Variants in APOL1 observed in about 807,000 individuals in gnomAD.
APOL1 encodes the protein apolipoprotein L 1.
In APOL1, 17 loss-of-function variants were observed where a neutral mutation model predicts 14.9. The observed-to-expected ratio is 1.14, with a 90% CI of 0.78 to 1.71. APOL1 has a LOEUF of 1.71. APOL1 is among the 40% of genes most tolerant of loss of function. APOL1 has a pLI of 0.00. For synonymous variants in APOL1, 195 were observed against 184.8 expected (o/e 1.05, Z -0.45); for missense variants, 523 against 485.9 (o/e 1.08, Z -0.72).
rs1210416741 is a variant in APOL1 at position 36,253,776 on chromosome 22, G to A, written c.-20+557G>A. ...ACTTGCCCAGGGTCCCGTGTCAGGA[G>A]GCTGAGCAGGTAGATCATAGGACTC... On this transcript the variant is annotated intron_variant, in intron 1 of 5. Transcript: ENST00000397278. The A allele has an allele frequency of 4.7e-6, 3 of 641,418 alleles. No homozygotes were observed. The South Asian group carries it at 5.8e-5, about 12-fold the overall frequency. 39.7% of individuals were successfully genotyped at this position (641,418 alleles called of 1,614,324 possible).
At chr22:36,259,324 C>T (rs1255142312) in intron 4 of APOL1, among the ~76,000 whole-genome samples, 2 of 152,200 alleles carry the variant, frequency 1.3e-5, no homozygotes. Context: ...TTCCTTCCAT[C>T]CAAACCTGGG....
At chr22:36,257,514 C>CA (rs1427226431) in intron 4 of APOL1, 107 bp downstream of exon 4, 5 of 1,159,376 alleles carry the variant, frequency 4.3e-6, no homozygotes, top group Non-Finnish European at 6.5e-6. Context: ...ACTAGGAGGC[C>CA]AATGAGTCTG....
At position 36,266,311 on chromosome 22, in the gene APOL1, G is replaced by A. The variant is rs2016260660; in HGVS notation, c.*278G>A. ...TCACCATGTTGGCCAGGATGGTCTC[G>A]ATCTCCTGACCTCTTGATCTGCCCA... On this transcript the variant is annotated 3_prime_UTR_variant, in exon 6 of 6. Transcript: ENST00000397278. 1.6e-5 allele frequency: 7 copies of A among 429,120 alleles called. No individual in the cohort carries two copies. The highest frequency in any genetic ancestry group is 1.2e-4 in the Admixed American group (3 of 25,202). The allele number at this position is 429,120 out of a possible 1,614,324, so 26.6% of individuals were successfully genotyped here. A position where few individuals can be genotyped will look rare whatever the true frequency, so the allele number is the denominator to read the frequency against.
At chr22:36,258,642 G>T (rs1054634176) in intron 4 of APOL1, among the ~76,000 whole-genome samples, 6 of 152,322 alleles carry the variant, frequency 3.9e-5, no homozygotes, top group Non-Finnish European at 8.8e-5. Flanking sequence ...AGGGGTGGGA[G>T]TGCAGGCGGA....
At chr22:36,255,306 A>G (rs370604654) in intron 2 of APOL1, among the ~76,000 whole-genome samples, 2 of 126,484 alleles carry the variant, frequency 1.6e-5, no homozygotes, top group Non-Finnish European at 3.4e-5. Context: ...AATCCGAGGC[A>G]CCAGCTCTCT....
rs2015908447 is a variant in APOL1, at chr22:36,257,130, G to C, written c.92G>C (p.Gly31Ala). 6.2e-7 allele frequency: 1 copy of C among 1,614,174 alleles called. No homozygotes were observed. Among genetic ancestry groups the C allele is most frequent in the Non-Finnish European group, 8.5e-7 (1 of 1,180,018 alleles). The part of the protein sequence containing the change: ...LGVGVRAEEA[G>A]ARVQQNVPSG... ...GTGGGAGTGAGGGCAGAGGAAGCTG[G>C]AGCGAGGTGAGTGTCTGCAAATAGC... Residue 31 changes from glycine to alanine, a missense_variant, in exon 3 of 6, where the codon GGA (glycine) becomes GCA (alanine). Transcript: ENST00000397278.
intron 4 of APOL1, among the ~76,000 whole-genome samples, chr22:36,257,821 A>G (rs1424127640): frequency 6.6e-6 from 1 of 151,656 alleles, no homozygotes; most frequent in African/African-American, 2.4e-5. Context: ...GGGTGTTTCC[A>G]CCTGAGGCTG....
chr22:36,254,103 T>A, intron 1 of APOL1: 1 of 1,260,790 alleles, frequency 7.9e-7, no homozygotes, highest in Non-Finnish European at 1.1e-6. Flanking sequence ...AATATTAGAG[T>A]CACAAGGGCA....
intron 2 of APOL1, among the ~76,000 whole-genome samples, chr22:36,255,493 C>A (rs550045266): frequency 1.3e-5 from 2 of 152,022 alleles, no homozygotes; most frequent in Admixed American, 6.5e-5. Flanking sequence ...GCCCAGACGC[C>A]CCTCTGCATA....
At chr22:36,257,898 C>A (rs575859419) in intron 4 of APOL1, among the ~76,000 whole-genome samples, 3 of 152,314 alleles carry the variant, frequency 2.0e-5, no homozygotes, top group Non-Finnish European at 4.4e-5. Flanking sequence ...GGGAATGTAT[C>A]GGGCCTGATT....
chr22:36,254,818 G>T (rs1028895811), intron 1 of APOL1, 119 bp from the exon 2 acceptor site: 2 of 1,307,758 alleles, frequency 1.5e-6, no homozygotes, highest in Non-Finnish European at 2.2e-6. Context: ...AGCCTAGATC[G>T]CCCCACTGCA....
At chr22:36,254,020 A>C in intron 1 of APOL1, 2 of 1,613,086 alleles carry the variant, frequency 1.2e-6, no homozygotes, top group Non-Finnish European at 1.7e-6. Context: ...GTGAGAGCTT[A>C]GATCTCTGTG....
In APOL1 at chr22:36,266,088, A is replaced by G; in HGVS notation, c.*55A>G. On this transcript the variant is annotated 3_prime_UTR_variant, in exon 6 of 6. Coordinates refer to ENST00000397278, the MANE Select transcript of APOL1 (RefSeq NM_003661.4). ...TATGCCTGGCAGGGGCCAGGACAAA[A>G]TGCAAACTTTTTTTTTTTTCTGAGA... 1 of 1,521,838 alleles carries G rather than the reference A, an allele frequency of 6.6e-7. No homozygotes were observed. Among genetic ancestry groups the G allele is most frequent in the Non-Finnish European group, 8.8e-7 (1 of 1,137,576 alleles). 94.3% of individuals were successfully genotyped at this position (1,521,838 alleles called of 1,614,324 possible).
chr22:36,263,307 C>A (rs557882293), intron 5 of APOL1, among the ~76,000 whole-genome samples: 1 of 152,338 alleles, frequency 6.6e-6, no homozygotes, highest in South Asian at 2.1e-4. Context: ...GGAGCAGATG[C>A]CAGGCAAAGT....
chr22:36,253,934 G>A (rs772858140), intron 1 of APOL1: 25 of 1,614,048 alleles, frequency 1.5e-5, no homozygotes, highest in African/African-American at 1.2e-4. Flanking sequence ...GCAGAATGGT[G>A]CCTGTGGCAT....
chr22:36,257,498 G>A lies in APOL1; in HGVS notation c.187+91G>A, dbSNP rs904393064. ...AGCTGAGTGAGCCCCAGAAGAACCCGGATGGACTAGGAGGCCAATGAGTCT... is the reference window on the plus strand; with the variant it reads ...AGCTGAGTGAGCCCCAGAAGAACCCAGATGGACTAGGAGGCCAATGAGTCT... On this transcript the variant is annotated intron_variant, in intron 4 of 5. Coordinates refer to ENST00000397278, the MANE Select transcript of APOL1 (RefSeq NM_003661.4). The A allele has an allele frequency of 8.5e-5, 109 of 1,280,940 alleles. No individual in the cohort carries two copies. In the African/African-American group the frequency reaches 1.2e-3, roughly 14 times the overall value. The allele number at this position is 1,280,940 out of a possible 1,614,324, so 79.3% of individuals were successfully genotyped here.
At position 36,265,271 on chromosome 22, in the gene APOL1, T is replaced by C. The variant is rs1216971088; in HGVS notation, c.435T>C (p.Pro145=). Residue 145 remains proline, a synonymous_variant, in exon 6 of 6, where the codon CCT becomes CCC. Transcript: ENST00000397278. ...QYRNWFLKEF[P]RLKSELEDNI... ...GAAACTGGTTTCTGAAAGAGTTTCC[T>C]CGGTTGAAAAGTGAGCTTGAGGATA... The C allele has an allele frequency of 6.2e-7, 1 of 1,614,134 alleles. No individual in the cohort carries two copies. The highest frequency in any genetic ancestry group is 1.7e-5 in the Admixed American group (1 of 60,012).
rs1251549283 is a variant in APOL1 at position 36,265,137 on chromosome 22, C to T, written c.315-14C>T. ...AAACTGCATTTCTTAATCCTTTAAC[C>T]TTTCCTTGTGCAGGAATGAGGCAGA... On this transcript the variant is annotated splice_polypyrimidine_tract_variant and intron_variant, in intron 5 of 5. Coordinates refer to ENST00000397278, the MANE Select transcript of APOL1 (RefSeq NM_003661.4). The T allele has an allele frequency of 1.9e-6, 3 of 1,613,452 alleles. No individual in the cohort carries two copies. Among genetic ancestry groups the T allele is most frequent in the Admixed American group, 3.3e-5 (2 of 59,840 alleles).
intron 4 of APOL1, 149 bp downstream of exon 4, chr22:36,257,556 C>T (rs1206416441): frequency 8.6e-6 from 7 of 815,470 alleles, no homozygotes; most frequent in African/African-American, 3.4e-5. Context: ...ACGTGGAGTC[C>T]CCCGACCCAG....
Sources: allele counts gnomAD v4.1 joint callset (sites outside exome capture counted in the v4.1 genomes callset), GRCh38; gene constraint gnomAD v4.1.1; transcripts MANE v1.5; gene names NCBI Gene and HGNC (gene_info 2026-07-23, HGNC 2026-07-21).